INPP5A: variants seen among roughly 807,000 people sequenced by gnomAD.
INPP5A encodes the protein 43 kDa inositol polyphosphate 5-phophatase.
Under a neutral mutation model 65.2 loss-of-function variants are expected in INPP5A, and 14 were observed. The observed-to-expected ratio is 0.21, with a 90% CI of 0.14 to 0.34. INPP5A has a LOEUF of 0.34. Among genes scored for constraint, INPP5A ranks in the 10% least tolerant of loss-of-function variants. The pLI is 1.00. For synonymous variants in INPP5A, 207 were observed against 208.3 expected (o/e 0.99, Z 0.05); for missense variants, 431 against 545.6 (o/e 0.79, Z 2.09).
chr10:132,553,894 A>G (rs1359690659), intron 1 of INPP5A, among the ~76,000 whole-genome samples: 1 of 142,956 alleles, frequency 7.0e-6, no homozygotes. Context: ...ATAGGGAGGG[A>G]GGATTGGTGA....
At chr10:132,584,085 GAACA>G (rs372417778) in intron 1 of INPP5A, among the ~76,000 whole-genome samples, 23 of 152,300 alleles carry the variant, frequency 1.5e-4, no homozygotes, top group East Asian at 3.9e-4. Context: ...TGCGTCTCCA[GAACA>G]AACAAACAAA....
intron 8 of INPP5A, among the ~76,000 whole-genome samples, chr10:132,715,392 T>C (rs548691296): frequency 9.2e-5 from 14 of 152,370 alleles, no homozygotes; most frequent in Admixed American, 4.6e-4. Context: ...TTGATCAACA[T>C]TGGGACATTT....
intron 1 of INPP5A, among the ~76,000 whole-genome samples, chr10:132,565,154 A>C (rs890781994): frequency 6.6e-6 from 1 of 152,288 alleles, no homozygotes; most frequent in Admixed American, 6.5e-5. Context: ...TCTGTTGTCC[A>C]GGCTGGTGTG....
intron 2 of INPP5A, among the ~76,000 whole-genome samples, chr10:132,623,904 C>T (rs902555358): frequency 2.0e-5 from 3 of 152,164 alleles, no homozygotes; most frequent in African/African-American, 7.2e-5. Flanking sequence ...AGATGGTGCT[C>T]AGCTTCAGTA....
intron 1 of INPP5A, among the ~76,000 whole-genome samples, chr10:132,573,520 T>C (rs377314132): frequency 2.5e-4 from 31 of 125,690 alleles, no homozygotes; most frequent in East Asian, 2.3e-3. Flanking sequence ...GTGTGTGTGC[T>C]GTGTGAGGTT....
chr10:132,610,064 C>G (rs1488328182), intron 2 of INPP5A, among the ~76,000 whole-genome samples: 3 of 152,240 alleles, frequency 2.0e-5, no homozygotes, highest in African/African-American at 7.2e-5. Context: ...TGGGCCTGAC[C>G]CGCAGTTCCT....
chr10:132,602,136 A>G (rs2071784037), intron 1 of INPP5A, among the ~76,000 whole-genome samples: 1 of 152,220 alleles, frequency 6.6e-6, no homozygotes, highest in Admixed American at 6.5e-5. Flanking sequence ...CAGCAACATT[A>G]TGTAGCTTTC....
At chr10:132,610,242 G>T (rs188880396) in intron 2 of INPP5A, among the ~76,000 whole-genome samples, 2 of 152,334 alleles carry the variant, frequency 1.3e-5, no homozygotes, top group Admixed American at 1.3e-4. Context: ...CGGAAAGGTC[G>T]ATGTGGAGGA....
chr10:132,592,005 C>T (rs909390977), intron 1 of INPP5A, among the ~76,000 whole-genome samples: 7 of 152,046 alleles, frequency 4.6e-5, no homozygotes, highest in African/African-American at 1.2e-4. Flanking sequence ...TGGTATTCAG[C>T]GTGGTATTCA....
At chr10:132,685,510 G>T (rs916558454) in intron 4 of INPP5A, among the ~76,000 whole-genome samples, 2 of 152,274 alleles carry the variant, frequency 1.3e-5, no homozygotes, top group East Asian at 3.8e-4. Context: ...GCACGAGGGA[G>T]CTGGGTGCAG....
rs950012130 is a variant in INPP5A at position 132,546,257 on chromosome 10, G to T, written c.75+8086G>T. Among the ~76,000 whole-genome samples the T allele has an allele frequency of 7.2e-5, 11 of 152,248 alleles. No homozygotes were observed. The highest frequency in any genetic ancestry group is 2.0e-4 in the Admixed American group (3 of 15,288). On this transcript the variant is annotated intron_variant, in intron 1 of 15. Transcript: ENST00000368594. This position sits in a 1 kb window ranked among gnomAD's most constrained non-coding sequence, Gnocchi z 5.7. ...CCGCGGGGGTCTTGGCGTTGGCGCA[G>T]AAGTGGTTTCCCAGCGGCGTGCCCT...
chr10:132,651,841 G>A lies in INPP5A; in HGVS notation c.306+1336G>A, dbSNP rs978140667. Among the ~76,000 whole-genome samples, 1 of 152,188 alleles carries A rather than the reference G, an allele frequency of 6.6e-6. No individual in the cohort carries two copies. The highest frequency in any genetic ancestry group is 2.1e-4 in the South Asian group (1 of 4,834). ...GTGGTCCCCACCAGTAGTGGAGTCT[G>A]TACAATCCCGGGAATCCCCCGTTCG... On this transcript the variant is annotated intron_variant, in intron 4 of 15. Transcript: ENST00000368594. This position sits in a 1 kb window ranked among gnomAD's most constrained non-coding sequence, Gnocchi z 5.0.
chr10:132,543,120 A>G lies in INPP5A; in HGVS notation c.75+4949A>G, dbSNP rs1177889434. On this transcript the variant is annotated intron_variant, in intron 1 of 15. Coordinates refer to ENST00000368594, the MANE Select transcript of INPP5A (RefSeq NM_005539.5). Reference sequence around the variant, plus strand: ...CCTCACACCCAGCCCTTTCTCCCATATGAGGTGTACAATTCACTGGTTTTC... The same window carrying G: ...CCTCACACCCAGCCCTTTCTCCCATGTGAGGTGTACAATTCACTGGTTTTC... 2.0e-5 allele frequency among the ~76,000 whole-genome samples: 3 copies of G among 152,046 alleles called. No homozygotes were observed. The East Asian group carries it at 5.8e-4, about 29-fold the overall frequency.
chr10:132,561,722 C>A (rs1420443671), intron 1 of INPP5A, among the ~76,000 whole-genome samples: 2 of 142,314 alleles, frequency 1.4e-5, no homozygotes, highest in Non-Finnish European at 3.1e-5. Context: ...TTGTCAATTT[C>A]CACACACACA....
intron 1 of INPP5A, among the ~76,000 whole-genome samples, chr10:132,544,291 G>A (rs2070941178): frequency 6.6e-6 from 1 of 152,256 alleles, no homozygotes; most frequent in Non-Finnish European, 1.5e-5. Flanking sequence ...CAGAGTGCCA[G>A]CTCTCAAGGA....
At chr10:132,539,796 C>T (rs1192189450) in intron 1 of INPP5A, among the ~76,000 whole-genome samples, 1 of 151,098 alleles carries the variant, frequency 6.6e-6, no homozygotes, top group Non-Finnish European at 1.5e-5. Context: ...GGTCTTGTGT[C>T]TTTGCTGGCA....
At chr10:132,718,706 GGTTGT>G (rs1845795456) in intron 8 of INPP5A, among the ~76,000 whole-genome samples, 1 of 149,146 alleles carries the variant, frequency 6.7e-6, no homozygotes, top group Non-Finnish European at 1.5e-5. Context: ...CGCCTTAGAC[GGTTGT>G]CTGGCGGGTT....
chr10:132,732,849 G>A (rs1590966631), intron 9 of INPP5A, among the ~76,000 whole-genome samples: 1 of 152,136 alleles, frequency 6.6e-6, no homozygotes, highest in South Asian at 2.1e-4. Context: ...ATCTGTTGAC[G>A]TGGAATGTGC....
chr10:132,636,618 G>A (rs947695517), intron 2 of INPP5A, among the ~76,000 whole-genome samples: 15 of 152,212 alleles, frequency 9.9e-5, no homozygotes, highest in African/African-American at 3.6e-4. Flanking sequence ...CTGCCCTTGC[G>A]CTGCTGAGCA....
Sources: allele counts gnomAD v4.1 joint callset (sites outside exome capture counted in the v4.1 genomes callset), GRCh38; gene constraint gnomAD v4.1.1; non-coding constraint Gnocchi (gnomAD v3.1); transcripts MANE v1.5; gene names NCBI Gene and HGNC (gene_info 2026-07-23, HGNC 2026-07-21).